Variants in MCEMP1 observed in about 807,000 individuals in gnomAD.
MCEMP1 encodes the protein mast cell expressed membrane protein 1.
In MCEMP1, 17 loss-of-function variants were observed where a neutral mutation model predicts 27.9. That is an observed-to-expected ratio of 0.61 (90% confidence interval 0.42 to 0.91). The LOEUF is 0.91. Among genes scored for constraint, MCEMP1 ranks in the 40% least tolerant of loss-of-function variants. The pLI, the probability that MCEMP1 is intolerant of heterozygous loss-of-function variation, is 0.00. For missense variants in MCEMP1, 200 were observed against 204.8 expected, an observed-to-expected ratio of 0.98 and a Z score of 0.14; for synonymous variants, 88 against 76.9, an observed-to-expected ratio of 1.14 and a Z score of -0.76.
In MCEMP1 at chr19:7,679,043, A is replaced by G; in HGVS notation, c.509-55A>G. ...TGGGTGGGGCTTCAGATTTAGCCCCAGCTCCTCTCCCAGGGGCGGGATCTG... is the reference window on the plus strand; with the variant it reads ...TGGGTGGGGCTTCAGATTTAGCCCCGGCTCCTCTCCCAGGGGCGGGATCTG... On this transcript the variant is annotated intron_variant, in intron 6 of 6. Transcript: ENST00000333598. This position sits in a 1 kb window ranked among gnomAD's most constrained non-coding sequence, Gnocchi z 4.9. The G allele has an allele frequency of 6.2e-7, 1 of 1,605,852 alleles. No homozygotes were observed. The highest frequency in any genetic ancestry group is 8.5e-7 in the Non-Finnish European group (1 of 1,175,542).
rs373300914 is a variant in MCEMP1, at chr19:7,678,517, G to A, written c.361G>A (p.Glu121Lys). The change falls in exon 5 of 7, where the codon GAG (glutamate) becomes AAG (lysine). Residue 121 changes from glutamate (E) to lysine (K), a missense_variant. Coordinates refer to ENST00000333598, the MANE Select transcript of MCEMP1 (RefSeq NM_174918.3). This position sits in a 1 kb window ranked among gnomAD's most constrained non-coding sequence, Gnocchi z 4.8. ...CTCAAACTCCGTACAAGCATGCGAA[G>A]AGAGACAGAAGAGAGGCTGGGATTC... ...NVSNSVQACE[E>K]RQKRGWDSVQ... The A allele has an allele frequency of 1.2e-6, 2 of 1,614,154 alleles. No individual in the cohort carries two copies. Among genetic ancestry groups the A allele is most frequent in the Non-Finnish European group, 1.7e-6 (2 of 1,180,006 alleles).
rs569042885 is a variant in MCEMP1, at chr19:7,677,445, G to A, written c.56-192G>A. ...CCCTCCAAGATGTGTGGATGTGTGT[G>A]TGGATGTGTGTGTGGTGTGATCACT... On this transcript the variant is annotated intron_variant, in intron 1 of 6. Transcript: ENST00000333598. This position sits in a 1 kb window ranked among gnomAD's most constrained non-coding sequence, Gnocchi z 4.6. Among the ~76,000 whole-genome samples, 1 of 142,536 alleles carries A rather than the reference G, an allele frequency of 7.0e-6. No homozygotes were observed. The highest frequency in any genetic ancestry group is 2.6e-5 in the African/African-American group (1 of 38,066). 93.5% of individuals were successfully genotyped at this position (142,536 alleles called of 152,430 possible). A position where few individuals can be genotyped will look rare whatever the true frequency, so the allele number is the denominator to read the frequency against.
At position 7,678,480 on chromosome 19, in the gene MCEMP1, C is replaced by G; in HGVS notation, c.335-11C>G. 2 of 1,613,908 alleles carry G rather than the reference C, an allele frequency of 1.2e-6. No individual in the cohort carries two copies. The highest frequency in any genetic ancestry group is 1.7e-6 in the Non-Finnish European group (2 of 1,179,844). On this transcript the variant is annotated splice_polypyrimidine_tract_variant and intron_variant, in intron 4 of 6. Transcript: ENST00000333598. This position sits in a 1 kb window ranked among gnomAD's most constrained non-coding sequence, Gnocchi z 4.8. ...GATGGATGCACAGACACCCCTGTTT[C>G]ATGCCCTCAGTCTCAAACTCCGTAC...
chr19:7,679,052 C>T lies in MCEMP1; in HGVS notation c.509-46C>T, dbSNP rs1478417240. 1 of 1,607,104 alleles carries T rather than the reference C, an allele frequency of 6.2e-7. No individual in the cohort carries two copies. Among genetic ancestry groups the T allele is most frequent in the Non-Finnish European group, 8.5e-7 (1 of 1,176,392 alleles). On this transcript the variant is annotated intron_variant, in intron 6 of 6. Coordinates refer to ENST00000333598, the MANE Select transcript of MCEMP1 (RefSeq NM_174918.3). The surrounding 1 kb of genome is among the most constrained non-coding windows in gnomAD (Gnocchi z 4.9). ...CTTCAGATTTAGCCCCAGCTCCTCT[C>T]CCAGGGGCGGGATCTGCCTCACTGT...
In MCEMP1 at chr19:7,678,474, C is replaced by T. The variant is rs373387576; in HGVS notation, c.335-17C>T. On this transcript the variant is annotated splice_polypyrimidine_tract_variant and intron_variant, in intron 4 of 6. Transcript: ENST00000333598. The surrounding 1 kb of genome is among the most constrained non-coding windows in gnomAD (Gnocchi z 4.8). ...GAGAGGGATGGATGCACAGACACCC[C>T]TGTTTCATGCCCTCAGTCTCAAACT... 4 of 1,613,614 alleles carry T rather than the reference C, an allele frequency of 2.5e-6. No individual in the cohort carries two copies. In the African/African-American group the frequency reaches 4.0e-5, roughly 16 times the overall value.
At position 7,677,712 on chromosome 19, in the gene MCEMP1, G is replaced by A. The variant is rs149042484; in HGVS notation, c.131G>A (p.Arg44Gln). The change falls in exon 2 of 7, where the codon CGA becomes CAA. Residue 44 changes from arginine (R) to glutamine (Q), a missense_variant. Arg to Gln is a conservative substitution (Grantham distance 43). Transcript: ENST00000333598. The surrounding 1 kb of genome is among the most constrained non-coding windows in gnomAD (Gnocchi z 4.6). Reference sequence around the variant, plus strand: ...GACCATGCAAAGGGTGGTCATTCACGACCCACGAGCCAAGGTGAGCAGACA... The same window carrying A: ...GACCATGCAAAGGGTGGTCATTCACAACCCACGAGCCAAGGTGAGCAGACA... Reference protein sequence around the residue: ...NQDHAKGGHSRPTSQVPAQCR... With the variant: ...NQDHAKGGHSQPTSQVPAQCR... The A allele has an allele frequency of 1.3e-4, 211 of 1,608,210 alleles. No homozygotes were observed. The East Asian group carries it at 3.3e-3, about 25-fold the overall frequency.
rs1224213015 is a variant in MCEMP1 at position 7,677,134 on chromosome 19, C to T, written c.14C>T (p.Ala5Val). 6.3e-7 allele frequency: 1 copy of T among 1,599,804 alleles called. No homozygotes were observed. Among genetic ancestry groups the T allele is most frequent in the African/African-American group, 1.3e-5 (1 of 74,504 alleles). ...CAGGAAGTCAAGATGCAAGCACCAG[C>T]CTTCAGGGACAAGAAACAGGGGGTC... MQAP[A>V]FRDKKQGVSA... Residue 5 changes from alanine (A) to valine (V), a missense_variant, in exon 1 of 7, where the codon GCC (alanine) becomes GTC (valine). Physicochemically the swap from Ala to Val is moderately conservative, Grantham distance 64 (BLOSUM62 0). Transcript: ENST00000333598. The surrounding 1 kb of genome is among the most constrained non-coding windows in gnomAD (Gnocchi z 4.6).
At position 7,679,076 on chromosome 19, in the gene MCEMP1, G is replaced by A; in HGVS notation, c.509-22G>A. 1 of 1,607,950 alleles carries A rather than the reference G, an allele frequency of 6.2e-7. No homozygotes were observed. The highest frequency in any genetic ancestry group is 8.5e-7 in the Non-Finnish European group (1 of 1,176,936). On this transcript the variant is annotated intron_variant, in intron 6 of 6. Coordinates refer to ENST00000333598, the MANE Select transcript of MCEMP1 (RefSeq NM_174918.3). This position sits in a 1 kb window ranked among gnomAD's most constrained non-coding sequence, Gnocchi z 4.9. ...TCCCAGGGGCGGGATCTGCCTCACTGTGGGTCTCTCCCCATCCCCAGAGTC... is the reference window on the plus strand; with the variant it reads ...TCCCAGGGGCGGGATCTGCCTCACTATGGGTCTCTCCCCATCCCCAGAGTC...
rs74489689 is a variant in MCEMP1 at position 7,678,273 on chromosome 19, G to T, written c.283+32G>T. 2 of 1,613,776 alleles carry T rather than the reference G, an allele frequency of 1.2e-6. No individual in the cohort carries two copies. Among genetic ancestry groups the T allele is most frequent in the Admixed American group, 1.7e-5 (1 of 59,980 alleles). ...ACTTCTTGGGAGGAGGGTGCTGGGG[G>T]GCCTAGACTTTCTCCCTTGTCCTTC... On this transcript the variant is annotated intron_variant, in intron 3 of 6. Coordinates refer to ENST00000333598, the MANE Select transcript of MCEMP1 (RefSeq NM_174918.3). This position sits in a 1 kb window ranked among gnomAD's most constrained non-coding sequence, Gnocchi z 4.8.
chr19:7,677,892 G>A lies in MCEMP1; in HGVS notation c.145+166G>A. 1 of 1,018,454 alleles carries A rather than the reference G, an allele frequency of 9.8e-7. No individual in the cohort carries two copies. The highest frequency in any genetic ancestry group is 1.5e-6 in the Non-Finnish European group (1 of 683,972). 63.1% of individuals were successfully genotyped at this position (1,018,454 alleles called of 1,614,324 possible). A position where few individuals can be genotyped will look rare whatever the true frequency, so the allele number is the denominator to read the frequency against. On this transcript the variant is annotated intron_variant, in intron 2 of 6. Transcript: ENST00000333598. This position sits in a 1 kb window ranked among gnomAD's most constrained non-coding sequence, Gnocchi z 4.6. The stretch of plus-strand genomic sequence containing the variant: ...GTCTGTTGATGATGACAATGTTGGG[G>A]AATGCTGGAGAGGGGGTCTGTGATG...
At position 7,678,605 on chromosome 19, in the gene MCEMP1, G is replaced by A. The variant is rs1197771754; in HGVS notation, c.448+1G>A. 5 of 1,611,274 alleles carry A rather than the reference G, an allele frequency of 3.1e-6. No homozygotes were observed. Among genetic ancestry groups the A allele is most frequent in the South Asian group, 1.1e-5 (1 of 91,008 alleles). On this transcript the variant is annotated splice_donor_variant, in intron 5 of 6. Coordinates refer to ENST00000333598, the MANE Select transcript of MCEMP1 (RefSeq NM_174918.3). LOFTEE classifies it high-confidence loss of function. The surrounding 1 kb of genome is among the most constrained non-coding windows in gnomAD (Gnocchi z 4.8). ...GATAGATTAGAGACGACATTAGCAG[G>A]TGCCTGTGTAGTCTCGCCTTCTATG... is the stretch of plus-strand genomic sequence containing the variant.
chr19:7,679,098 A>G lies in MCEMP1; in HGVS notation c.509A>G (p.Gln170Arg). ...ACTGTGGGTCTCTCCCCATCCCCAG[A>G]GTCCTCACCTCAATAAATGAGAGGA... ...KILEVLQKMP[Q>R]SSPQ The change falls in exon 7 of 7, where the codon CAG becomes CGG. Residue 170 changes from glutamine (Q) to arginine (R), a missense_variant and splice_region_variant. Physicochemically the swap from Gln to Arg is conservative, Grantham distance 43. Coordinates refer to ENST00000333598, the MANE Select transcript of MCEMP1 (RefSeq NM_174918.3). The surrounding 1 kb of genome is among the most constrained non-coding windows in gnomAD (Gnocchi z 4.9). The G allele has an allele frequency of 1.9e-6, 3 of 1,606,132 alleles. No homozygotes were observed. The highest frequency in any genetic ancestry group is 2.6e-6 in the Non-Finnish European group (3 of 1,175,816).
Position 7,679,044 on chromosome 19 carries a change from G to GCTC in MCEMP1, c.509-50_509-48dup. Reference sequence around the variant, plus strand: ...GGGTGGGGCTTCAGATTTAGCCCCAGCTCCTCTCCCAGGGGCGGGATCTGC... The same window carrying GCTC: ...GGGTGGGGCTTCAGATTTAGCCCCAGCTCCTCCTCTCCCAGGGGCGGGATCTGC... On this transcript the variant is annotated intron_variant, in intron 6 of 6. Transcript: ENST00000333598. This position sits in a 1 kb window ranked among gnomAD's most constrained non-coding sequence, Gnocchi z 4.9. 6.2e-7 allele frequency: 1 copy of GCTC among 1,605,914 alleles called. No individual in the cohort carries two copies. The highest frequency in any genetic ancestry group is 1.1e-5 in the South Asian group (1 of 89,710).
rs2032600258 is a variant in MCEMP1, at chr19:7,679,571, TC to T, written c.*460del. 5.9e-6 allele frequency: 1 copy of T among 170,676 alleles called. No homozygotes were observed. Among genetic ancestry groups the T allele is most frequent in the Non-Finnish European group, 1.2e-5 (1 of 80,276 alleles). 10.6% of individuals were successfully genotyped at this position (170,676 alleles called of 1,614,324 possible). Reference sequence around the variant, plus strand: ...GTGACATGCATTGCACGGGCCTGTCTCCCTGTTTGTGTAAACATACTAGAGT... The same window carrying T: ...GTGACATGCATTGCACGGGCCTGTCTCCTGTTTGTGTAAACATACTAGAGT... On this transcript the variant is annotated 3_prime_UTR_variant, in exon 7 of 7. Coordinates refer to ENST00000333598, the MANE Select transcript of MCEMP1 (RefSeq NM_174918.3). The surrounding 1 kb of genome is among the most constrained non-coding windows in gnomAD (Gnocchi z 4.9).
In MCEMP1 at chr19:7,678,996, C is replaced by T; in HGVS notation, c.508+13C>T. On this transcript the variant is annotated intron_variant, in intron 6 of 6. Transcript: ENST00000333598. This position sits in a 1 kb window ranked among gnomAD's most constrained non-coding sequence, Gnocchi z 4.8. Reference sequence around the variant, plus strand: ...CAGAAAATGCCACGTAAGTTGGCGCCCCGACAGGAGGTGGAGGAGGGTGGG... The same window carrying T: ...CAGAAAATGCCACGTAAGTTGGCGCTCCGACAGGAGGTGGAGGAGGGTGGG... 1 of 1,599,180 alleles carries T rather than the reference C, an allele frequency of 6.3e-7. No homozygotes were observed. Among genetic ancestry groups the T allele is most frequent in the Non-Finnish European group, 8.5e-7 (1 of 1,172,104 alleles).
Position 7,677,871 on chromosome 19 carries a change from G to C in MCEMP1, c.145+145G>C. 9.8e-7 allele frequency: 1 copy of C among 1,022,024 alleles called. No homozygotes were observed. Among genetic ancestry groups the C allele is most frequent in the South Asian group, 1.6e-5 (1 of 63,972 alleles). 63.3% of individuals were successfully genotyped at this position (1,022,024 alleles called of 1,614,324 possible). A position where few individuals can be genotyped will look rare whatever the true frequency, so the allele number is the denominator to read the frequency against. On this transcript the variant is annotated intron_variant, in intron 2 of 6. Coordinates refer to ENST00000333598, the MANE Select transcript of MCEMP1 (RefSeq NM_174918.3). The surrounding 1 kb of genome is among the most constrained non-coding windows in gnomAD (Gnocchi z 4.6). ...AGCTGTTGACGTGCTAATGAGGTCT[G>C]TTGATGATGACAATGTTGGGGAATG... is the stretch of plus-strand genomic sequence containing the variant.
chr19:7,677,634 C>T lies in MCEMP1; in HGVS notation c.56-3C>T, dbSNP rs1386312211. ...CTCTGAGCAGATCTCCAACCCCTCC[C>T]AGGTGCCCATGACCCAGACTATGAG... On this transcript the variant is annotated splice_polypyrimidine_tract_variant and splice_region_variant and intron_variant, in intron 1 of 6. Coordinates refer to ENST00000333598, the MANE Select transcript of MCEMP1 (RefSeq NM_174918.3). This position sits in a 1 kb window ranked among gnomAD's most constrained non-coding sequence, Gnocchi z 4.6. 1.2e-6 allele frequency: 2 copies of T among 1,612,596 alleles called. No homozygotes were observed. Among genetic ancestry groups the T allele is most frequent in the Admixed American group, 1.7e-5 (1 of 60,020 alleles).
In MCEMP1 at chr19:7,679,276, G is replaced by C; in HGVS notation, c.*162G>C. 1.1e-6 allele frequency: 1 copy of C among 886,218 alleles called. No individual in the cohort carries two copies. The highest frequency in any genetic ancestry group is 1.7e-5 in the African/African-American group (1 of 58,958). The allele number at this position is 886,218 out of a possible 1,614,324, so 54.9% of individuals were successfully genotyped here. A position where few individuals can be genotyped will look rare whatever the true frequency, so the allele number is the denominator to read the frequency against. ...CATGGTGAATGAGTGTCTCGGAGTT[G>C]CTCGTGTGTGTGTACACCTGCGTGC... On this transcript the variant is annotated 3_prime_UTR_variant, in exon 7 of 7. Coordinates refer to ENST00000333598, the MANE Select transcript of MCEMP1 (RefSeq NM_174918.3). The surrounding 1 kb of genome is among the most constrained non-coding windows in gnomAD (Gnocchi z 4.9).
chr19:7,679,003 G>A lies in MCEMP1; in HGVS notation c.508+20G>A. On this transcript the variant is annotated intron_variant, in intron 6 of 6. Coordinates refer to ENST00000333598, the MANE Select transcript of MCEMP1 (RefSeq NM_174918.3). This position sits in a 1 kb window ranked among gnomAD's most constrained non-coding sequence, Gnocchi z 4.9. ...TGCCACGTAAGTTGGCGCCCCGACAGGAGGTGGAGGAGGGTGGGTGGGGCT... is the reference window on the plus strand; with the variant it reads ...TGCCACGTAAGTTGGCGCCCCGACAAGAGGTGGAGGAGGGTGGGTGGGGCT... 2 of 1,594,768 alleles carry A rather than the reference G, an allele frequency of 1.3e-6. No homozygotes were observed. The highest frequency in any genetic ancestry group is 1.7e-6 in the Non-Finnish European group (2 of 1,169,404).
Sources: allele counts gnomAD v4.1 joint callset (sites outside exome capture counted in the v4.1 genomes callset), GRCh38; gene constraint gnomAD v4.1.1; non-coding constraint Gnocchi (gnomAD v3.1); transcripts MANE v1.5; gene names NCBI Gene and HGNC (gene_info 2026-07-23, HGNC 2026-07-21).